FAT3: variants seen among roughly 807,000 people sequenced by gnomAD.
FAT3 encodes the protein protocadherin Fat 3.
A neutral mutation model predicts 310.2 loss-of-function variants in FAT3; 95 were observed. The ratio of observed to expected loss-of-function variants is 0.31; its 90% confidence interval spans 0.26 to 0.36. The LOEUF is 0.36. Ranked by LOEUF, FAT3 falls within the 10% of genes least tolerant of loss-of-function variation. The probability of loss-of-function intolerance (pLI) is 1.00; values close to 1 mark genes in which losing one functional copy is unlikely to be tolerated. For synonymous variants in FAT3, 2,314 were observed against 2,192.9 expected, an observed-to-expected ratio of 1.06 and a Z score of -1.54; for missense variants, 5,408 against 5,715.6, an observed-to-expected ratio of 0.95 and a Z score of 1.74.
At chr11:92,807,656 T>G (rs1383911786) in intron 12 of FAT3, among the ~76,000 whole-genome samples, 2 of 152,202 alleles carry the variant, frequency 1.3e-5, no homozygotes, top group African/African-American at 4.8e-5. Context: ...TTTAGGGTCC[T>G]TTTCTGATTC....
chr11:92,601,526 T>C (rs542196796), intron 3 of FAT3, among the ~76,000 whole-genome samples: 1 of 152,160 alleles, frequency 6.6e-6, no homozygotes, highest in African/African-American at 2.4e-5. Flanking sequence ...ACCCAGGAGA[T>C]GGAGGTTGCA....
chr11:92,552,162 T>C (rs1040162475), intron 3 of FAT3, among the ~76,000 whole-genome samples: 5 of 152,196 alleles, frequency 3.3e-5, no homozygotes, highest in Admixed American at 2.0e-4. Flanking sequence ...GCCAGTGATG[T>C]AAAAATTTAA....
At chr11:92,293,062 AAGGAAG>A (rs1946735435) in intron 1 of FAT3, among the ~76,000 whole-genome samples, 2 of 143,936 alleles carry the variant, frequency 1.4e-5, no homozygotes, top group Non-Finnish European at 3.0e-5. Context: ...GGAAGGAAGG[AAGGAAG>A]GAAGGAAGGA....
At chr11:92,532,342 A>G (rs1398263204) in intron 3 of FAT3, among the ~76,000 whole-genome samples, 2 of 152,090 alleles carry the variant, frequency 1.3e-5, no homozygotes, top group Admixed American at 1.3e-4. Context: ...AAAAATACAC[A>G]GTTTTCCCTT....
Position 92,524,934 on chromosome 11 carries a change from T to G in FAT3, c.3593T>G (p.Ile1198Ser). 2 of 1,613,492 alleles carry G rather than the reference T, an allele frequency of 1.2e-6. No homozygotes were observed. Among genetic ancestry groups the G allele is most frequent in the South Asian group, 2.2e-5 (2 of 91,052 alleles). Residue 1198 changes from isoleucine (I) to serine (S), a missense_variant, in exon 3 of 28, where the codon ATC becomes AGC. Transcript: ENST00000525166. The part of the protein sequence containing the change: ...TSGNPQNFFA[I>S]NIKTGLITTT... ...GGAAATCCTCAGAATTTTTTTGCCA[T>G]CAATATCAAAACAGGTAAGGGAATG...
At chr11:92,660,514 A>G (rs1177148303) in intron 3 of FAT3, among the ~76,000 whole-genome samples, 1 of 152,212 alleles carries the variant, frequency 6.6e-6, no homozygotes, top group Non-Finnish European at 1.5e-5. Flanking sequence ...TCCAAGAGCA[A>G]TAACCAAACA....
chr11:92,288,967 A>C (rs1426859811), intron 1 of FAT3, among the ~76,000 whole-genome samples: 1 of 152,042 alleles, frequency 6.6e-6, no homozygotes, highest in Non-Finnish European at 1.5e-5. Flanking sequence ...TGTGCTGACA[A>C]CACCACCTCA....
At chr11:92,237,294 G>A (rs10219291) in intron 1 of FAT3, among the ~76,000 whole-genome samples, 2,266 of 152,270 alleles carry the variant, frequency 0.015, 70 homozygotes, top group African/African-American at 0.052. Context: ...GGCTGGAGCA[G>A]TCTGTGAGTG....
chr11:92,555,465 A>C (rs1018101796), intron 3 of FAT3, among the ~76,000 whole-genome samples: 12 of 152,206 alleles, frequency 7.9e-5, no homozygotes, highest in African/African-American at 2.7e-4. Context: ...CCTCTGGGAT[A>C]ACAGTTTGCG....
At chr11:92,760,398 C>G (rs1946115246) in intron 4 of FAT3, among the ~76,000 whole-genome samples, 1 of 152,162 alleles carries the variant, frequency 6.6e-6, no homozygotes, top group Non-Finnish European at 1.5e-5. Context: ...GAAAAAATAG[C>G]TGACCAGCTG....
chr11:92,387,336 T>A (rs1383925038), intron 2 of FAT3, among the ~76,000 whole-genome samples: 1 of 151,980 alleles, frequency 6.6e-6, no homozygotes, highest in Non-Finnish European at 1.5e-5. Flanking sequence ...AGTGGTTACA[T>A]TAAATGGTTT....
At chr11:92,576,843 C>G (rs1158599786) in intron 3 of FAT3, among the ~76,000 whole-genome samples, 1 of 152,106 alleles carries the variant, frequency 6.6e-6, no homozygotes, top group African/African-American at 2.4e-5. Context: ...TACTTGTACA[C>G]TGAAGCTATT....
intron 3 of FAT3, among the ~76,000 whole-genome samples, chr11:92,553,524 G>A (rs1954891894): frequency 6.6e-6 from 1 of 152,216 alleles, no homozygotes. Flanking sequence ...TTTAGAATGT[G>A]AGAAGGCTGG....
intron 3 of FAT3, among the ~76,000 whole-genome samples, chr11:92,554,493 A>C (rs942370785): frequency 9.9e-5 from 13 of 131,398 alleles, no homozygotes; most frequent in Non-Finnish European, 2.0e-4. Flanking sequence ...AAAAAAAAAA[A>C]AAAAAGAATG....
intron 3 of FAT3, among the ~76,000 whole-genome samples, chr11:92,670,987 G>T (rs1043523716): frequency 7.2e-5 from 11 of 151,748 alleles, no homozygotes; most frequent in Admixed American, 7.2e-4. Context: ...CAAAGCCCCT[G>T]CATGCCCTCC....
intron 1 of FAT3, chr11:92,336,192 C>T (rs1948073305): frequency 5.3e-6 from 3 of 566,974 alleles, no homozygotes. Context: ...AAAGGTGCTG[C>T]CAAGGACCGG....
Position 92,800,318 on chromosome 11 carries a change from T to C in FAT3, c.7305T>C (p.Ser2435=). The change falls in exon 10 of 28, where the codon TCT becomes TCC. Residue 2435 remains serine, a synonymous_variant. Coordinates refer to ENST00000525166, the MANE Select transcript of FAT3 (RefSeq NM_001367949.2). Reference sequence around the variant, plus strand: ...ACCGGTTGGAATATAGCATTTTATCTGGGAATGACCGGACGAGCTTTCTGA... The same window carrying C: ...ACCGGTTGGAATATAGCATTTTATCCGGGAATGACCGGACGAGCTTTCTGA... The part of the protein sequence containing the change: ...DFDRLEYSIL[S]GNDRTSFLMD... The C allele has an allele frequency of 1.2e-6, 2 of 1,613,944 alleles. No homozygotes were observed. The highest frequency in any genetic ancestry group is 1.7e-6 in the Non-Finnish European group (2 of 1,179,842).
chr11:92,807,146 A>C (rs1462472208), intron 12 of FAT3, among the ~76,000 whole-genome samples: 1 of 152,176 alleles, frequency 6.6e-6, no homozygotes, highest in African/African-American at 2.4e-5. Context: ...AGACAAATGC[A>C]TTTCTTTTGG....
At chr11:92,398,355 G>A (rs533430390) in intron 2 of FAT3, among the ~76,000 whole-genome samples, 27 of 152,098 alleles carry the variant, frequency 1.8e-4, no homozygotes, top group African/African-American at 3.4e-4. Context: ...ACAAAAATTA[G>A]CCAGGCATGG....
Sources: allele counts gnomAD v4.1 joint callset (sites outside exome capture counted in the v4.1 genomes callset), GRCh38; gene constraint gnomAD v4.1.1; transcripts MANE v1.5; gene names NCBI Gene and HGNC (gene_info 2026-07-23, HGNC 2026-07-21).